SAXO5: variants seen among roughly 807,000 people sequenced by gnomAD.
SAXO5 encodes the protein testis expressed 45.
the SAXO5 span, chr19:7,505,442 A>G: frequency 6.2e-7 from 1 of 1,613,988 alleles, no homozygotes; most frequent in South Asian, 1.1e-5. Context: ...GCCAGGTGAG[A>G]GCCTGAGGCC....
chr19:7,499,322 GGAAA>G, the SAXO5 span, among the ~76,000 whole-genome samples: 1 of 141,318 alleles, frequency 7.1e-6, no homozygotes, highest in South Asian at 2.4e-4. Context: ...AAAAAGAAAA[GGAAA>G]GAAAGAAAGA....
the SAXO5 span, chr19:7,499,698 A>T: frequency 6.6e-6 from 1 of 152,302 alleles, no homozygotes; most frequent in East Asian, 1.9e-4. Context: ...TTGGCCAGGC[A>T]TGGTGGCTAA....
chr19:7,506,785 T>A, the SAXO5 span: 1 of 432,964 alleles, frequency 2.3e-6, no homozygotes, highest in Non-Finnish European at 4.2e-6. Context: ...TCTCCTCCCC[T>A]GGCTCCTTCC....
chr19:7,505,678 C>T, the SAXO5 span: 1 of 1,536,708 alleles, frequency 6.5e-7, no homozygotes, highest in East Asian at 2.2e-5. Context: ...CCAGACAGAG[C>T]AAATAGCAGG....
the SAXO5 span, among the ~76,000 whole-genome samples, chr19:7,503,570 C>T: frequency 5.7e-4 from 86 of 152,080 alleles, no homozygotes; most frequent in South Asian, 8.3e-4. Context: ...CTGCAACCTC[C>T]ACCTCCCAAG....
chr19:7,498,170 TACACACACACACAC>T, the SAXO5 span, among the ~76,000 whole-genome samples: 2 of 142,516 alleles, frequency 1.4e-5, no homozygotes, highest in East Asian at 4.2e-4. Context: ...CACACACACA[TACACACACACACAC>T]ACACACACAC....
chr19:7,505,202 C>T, the SAXO5 span: 25 of 909,494 alleles, frequency 2.7e-5, no homozygotes, highest in Non-Finnish European at 3.9e-5. Flanking sequence ...AATCTGTTCT[C>T]AAAAGCCTGA....
chr19:7,502,987 C>T, the SAXO5 span, among the ~76,000 whole-genome samples: 2 of 152,106 alleles, frequency 1.3e-5, no homozygotes, highest in African/African-American at 4.8e-5. Flanking sequence ...GTTGTGATTC[C>T]TAGTTTCTGT....
chr19:7,506,216 C>T, the SAXO5 span: 7 of 1,425,988 alleles, frequency 4.9e-6, no homozygotes, highest in African/African-American at 7.4e-5. Context: ...CCGGGAAGCC[C>T]CACCCCCGAA....
the SAXO5 span, chr19:7,501,410 G>A: frequency 6.8e-7 from 1 of 1,471,750 alleles, no homozygotes; most frequent in African/African-American, 1.5e-5. Context: ...GTGAGCGCGC[G>A]CCCGGGCTGA....
At chr19:7,503,990 T>G in the SAXO5 span, 1 of 604,432 alleles carries the variant, frequency 1.7e-6, no homozygotes, top group East Asian at 2.8e-5. Flanking sequence ...CAGACAGCTC[T>G]CAGTCTACAC....
the SAXO5 span, chr19:7,500,704 A>T: frequency 1.0e-6 from 1 of 967,982 alleles, no homozygotes; most frequent in Admixed American, 3.8e-5. Context: ...TGCTTGGCGA[A>T]CAGAAAGGAG....
chr19:7,508,217 C>T, the SAXO5 span: 2 of 1,613,776 alleles, frequency 1.2e-6, no homozygotes, highest in Non-Finnish European at 1.7e-6. Flanking sequence ...GCAAGTACAG[C>T]CACATGGAGC....
the SAXO5 span, among the ~76,000 whole-genome samples, chr19:7,500,396 G>A: frequency 6.6e-6 from 1 of 152,130 alleles, no homozygotes; most frequent in Non-Finnish European, 1.5e-5. Flanking sequence ...CTGCCTCCCG[G>A]GTTCAAGCGA....
the SAXO5 span, chr19:7,505,226 A>G: frequency 8.7e-7 from 1 of 1,153,066 alleles, no homozygotes; most frequent in Non-Finnish European, 1.3e-6. Context: ...CAGGTGATCC[A>G]CCCACCTCAG....
At chr19:7,501,210 G>A in the SAXO5 span, 8 of 1,542,074 alleles carry the variant, frequency 5.2e-6, no homozygotes, top group African/African-American at 2.8e-5. Flanking sequence ...CAACGCGCAC[G>A]CCGCCTACGG....
At chr19:7,501,911 CAGAG>C in the SAXO5 span, among the ~76,000 whole-genome samples, 3 of 81,616 alleles carry the variant, frequency 3.7e-5, no homozygotes, top group African/African-American at 5.8e-5. Context: ...GAAAACAAGA[CAGAG>C]AGGAAGGGAG....
the SAXO5 span, chr19:7,506,248 C>T: frequency 1.6e-6 from 1 of 616,446 alleles, no homozygotes; most frequent in South Asian, 2.4e-5. Context: ...CATGGAGCCC[C>T]TCCCCATGGA....
the SAXO5 span, among the ~76,000 whole-genome samples, chr19:7,504,963 G>GCTT: frequency 1.8e-3 from 265 of 150,128 alleles, 1 homozygote; most frequent in Admixed American, 4.7e-3. Flanking sequence ...ATCCACTTTA[G>GCTT]CTTCTTCTTC....
Sources: allele counts gnomAD v4.1 joint callset (sites outside exome capture counted in the v4.1 genomes callset), GRCh38; gene constraint gnomAD v4.1.1; transcripts MANE v1.5; gene names NCBI Gene and HGNC (gene_info 2026-07-23, HGNC 2026-07-21).